Variants in KIF27 observed in about 807,000 individuals in gnomAD.
KIF27 encodes the protein kinesin-like protein KIF27.
KIF27 carries 84 observed loss-of-function variants against 141.8 expected under a neutral mutation model. The ratio of observed to expected loss-of-function variants is 0.59; its 90% confidence interval spans 0.50 to 0.71. The LOEUF is 0.71. Among genes scored for constraint, KIF27 ranks in the 30% least tolerant of loss-of-function variants. KIF27 has a pLI of 0.00. For synonymous variants in KIF27, 471 were observed against 569.5 expected, an observed-to-expected ratio of 0.83 and a Z score of 2.46; for missense variants, 1,306 against 1,628.4, an observed-to-expected ratio of 0.80 and a Z score of 3.41.
chr9:83,850,830 CTTTTTTTTTTTTTTT>C (rs202212264), intron 15 of KIF27, among the ~76,000 whole-genome samples: 822 of 67,576 alleles, frequency 0.012, 31 homozygotes, highest in East Asian at 0.051. Flanking sequence ...ATGACATTTT[CTTTTTTTTTTTTTTT>C]TTTTTTTTTT....
At chr9:83,848,258 TATATG>T (rs1253994679) in intron 16 of KIF27, among the ~76,000 whole-genome samples, 3 of 110,532 alleles carry the variant, frequency 2.7e-5, no homozygotes, top group Non-Finnish European at 5.3e-5. Context: ...AGATATGATA[TATATG>T]ATATATCAGA....
At chr9:83,844,836 T>TAA (rs1292658672) in intron 16 of KIF27, among the ~76,000 whole-genome samples, 18 of 152,162 alleles carry the variant, frequency 1.2e-4, no homozygotes, top group Non-Finnish European at 1.5e-5. Flanking sequence ...AGGTGAAGGA[T>TAA]AAGTTGCTAC....
intron 11 of KIF27, among the ~76,000 whole-genome samples, chr9:83,878,305 A>AATGATGC (rs1951398915): frequency 6.6e-6 from 1 of 152,124 alleles, no homozygotes; most frequent in Admixed American, 6.6e-5. Context: ...GCTGGTGGAA[A>AATGATGC]TGTAAAATGA....
intron 13 of KIF27, among the ~76,000 whole-genome samples, chr9:83,864,476 G>A (rs1253259413): frequency 5.9e-5 from 9 of 152,180 alleles, no homozygotes; most frequent in Non-Finnish European, 1.2e-4. Flanking sequence ...CCATGTAGTT[G>A]AGCGGTTTTG....
chr9:83,915,679 C>T lies in KIF27; in HGVS notation c.-87-1G>A. 7 of 1,324,220 alleles carry T rather than the reference C, an allele frequency of 5.3e-6. No homozygotes were observed. The South Asian group carries it at 7.6e-5, about 14-fold the overall frequency. 82.0% of individuals were successfully genotyped at this position (1,324,220 alleles called of 1,614,324 possible). A position where few individuals can be genotyped will look rare whatever the true frequency, so the allele number is the denominator to read the frequency against. Reference sequence around the variant, plus strand: ...TCCATCTTATGTAAGATCTGGATTCCTGTGCAACAAAAATAAAAAGCAAAT... The same window carrying T: ...TCCATCTTATGTAAGATCTGGATTCTTGTGCAACAAAAATAAAAAGCAAAT... On this transcript the variant is annotated splice_acceptor_variant, in intron 1 of 17. Transcript: ENST00000297814. LOFTEE classifies it low-confidence loss of function (5UTR_SPLICE).
intron 14 of KIF27, 47 bp downstream of exon 14, chr9:83,859,109 A>G (rs988156628): frequency 4.5e-5 from 54 of 1,191,264 alleles, no homozygotes; most frequent in Non-Finnish European, 6.3e-5. Flanking sequence ...AAATCACTCA[A>G]GTGATCCATC....
intron 11 of KIF27, chr9:83,880,032 C>G: frequency 1.9e-6 from 1 of 517,592 alleles, no homozygotes; most frequent in Non-Finnish European, 3.4e-6. Flanking sequence ...TTTTTGACAG[C>G]TTCAATTAAA....
At chr9:83,838,571 C>T (rs1264922491) in intron 17 of KIF27, among the ~76,000 whole-genome samples, 1 of 152,210 alleles carries the variant, frequency 6.6e-6, no homozygotes. Flanking sequence ...ACACAGGTTG[C>T]ACATTGGCAG....
intron 4 of KIF27, among the ~76,000 whole-genome samples, chr9:83,901,010 G>C (rs1265734856): frequency 6.6e-6 from 1 of 152,064 alleles, no homozygotes; most frequent in Non-Finnish European, 1.5e-5. Context: ...CCAGGCTGGA[G>C]TGCAGTGGTG....
intron 16 of KIF27, among the ~76,000 whole-genome samples, chr9:83,846,649 G>A (rs1214077836): frequency 1.3e-5 from 2 of 151,978 alleles, no homozygotes; most frequent in South Asian, 2.1e-4. Context: ...CAGGATTCAC[G>A]AGTCCAGGGA....
chr9:83,870,160 T>TATCC (rs1417910801), intron 12 of KIF27, among the ~76,000 whole-genome samples: 1 of 152,154 alleles, frequency 6.6e-6, no homozygotes, highest in Non-Finnish European at 1.5e-5. Context: ...TCTATCTATC[T>TATCC]ATCTATCTAC....
chr9:83,917,004 T>C (rs1199302577), intron 1 of KIF27, among the ~76,000 whole-genome samples: 1 of 151,978 alleles, frequency 6.6e-6, no homozygotes, highest in Non-Finnish European at 1.5e-5. Context: ...TTATTATACT[T>C]TAAGTTCTAG....
At chr9:83,888,816 C>CA (rs35585822) in intron 7 of KIF27, among the ~76,000 whole-genome samples, 2,273 of 83,750 alleles carry the variant, frequency 0.027, 29 homozygotes, top group Middle Eastern at 0.042. Context: ...TAAGGAAATC[C>CA]AAAAAAAAAA....
At chr9:83,840,220 AG>A (rs1946403042) in intron 17 of KIF27, among the ~76,000 whole-genome samples, 1 of 152,228 alleles carries the variant, frequency 6.6e-6, no homozygotes, top group Non-Finnish European at 1.5e-5. Flanking sequence ...AAATGTGGGT[AG>A]GATTATAACT....
intron 7 of KIF27, 130 bp from the exon 8 acceptor site, chr9:83,888,722 T>A: frequency 2.0e-6 from 1 of 512,604 alleles, no homozygotes; most frequent in Non-Finnish European, 3.3e-6. Flanking sequence ...ATGTTACTAA[T>A]ATTGCTCAAA....
chr9:83,878,181 AAAAAAAAAGAGATACAAC>A (rs1242086857), intron 11 of KIF27, among the ~76,000 whole-genome samples: 1 of 86,994 alleles, frequency 1.1e-5, no homozygotes, highest in African/African-American at 7.1e-5. Flanking sequence ...AAAAAAAAAA[AAAAAAAAAGAGATACAAC>A]GATACAACTT....
At chr9:83,918,625 A>G (rs1411092321) in intron 1 of KIF27, among the ~76,000 whole-genome samples, 1 of 152,192 alleles carries the variant, frequency 6.6e-6, no homozygotes, top group Admixed American at 6.6e-5. Context: ...ATCATTAGCT[A>G]TCAGGAAAAT....
chr9:83,904,723 GTAGAT>G (rs1397869014), intron 3 of KIF27, among the ~76,000 whole-genome samples: 6 of 151,776 alleles, frequency 4.0e-5, no homozygotes, highest in African/African-American at 9.7e-5. Context: ...AAGTTAATCA[GTAGAT>G]TAGAAGAATT....
intron 1 of KIF27, among the ~76,000 whole-genome samples, chr9:83,919,340 A>C (rs1009096714): frequency 3.9e-5 from 6 of 152,232 alleles, no homozygotes; most frequent in Non-Finnish European, 7.3e-5. Context: ...AGAGAAATGA[A>C]AACATTGTGT....
Sources: gnomAD v4.1 joint callset for allele counts (sites outside exome capture counted in the v4.1 genomes callset) on GRCh38, gnomAD v4.1.1 for gene constraint, MANE v1.5 for transcripts, NCBI Gene and HGNC (gene_info 2026-07-23, HGNC 2026-07-21) for gene names.